The following AP2A2 variants were observed in gnomAD, a reference collection of about 807,000 sequenced individuals.
AP2A2 encodes the protein AP-2 complex subunit alpha-2.
AP2A2 carries 32 observed loss-of-function variants against 104.2 expected under a neutral mutation model. The ratio of observed to expected loss-of-function variants is 0.31; its 90% CI spans 0.23 to 0.41. AP2A2 has a LOEUF of 0.41. Among genes scored for constraint, AP2A2 ranks in the 10% least tolerant of loss-of-function variants. The pLI is 1.00. For synonymous variants in AP2A2, 539 were observed against 533.3 expected, an observed-to-expected ratio of 1.01 and a Z score of -0.15; for missense variants, 912 against 1,261.0, an observed-to-expected ratio of 0.72 and a Z score of 4.19.
At chr11:956,080 C>G (rs930762735) in intron 1 of AP2A2, among the ~76,000 whole-genome samples, 4 of 152,206 alleles carry the variant, frequency 2.6e-5, no homozygotes, top group African/African-American at 9.6e-5. Flanking sequence ...TGGCTCACAC[C>G]TGTAATCCCA....
At chr11:994,877 C>T (rs1479618631) in intron 14 of AP2A2, among the ~76,000 whole-genome samples, 2 of 131,466 alleles carry the variant, frequency 1.5e-5, no homozygotes, top group Non-Finnish European at 3.4e-5. Context: ...CCCTGCTGGC[C>T]TGTCCCGGGG....
At chr11:950,118 G>A (rs1342059772) in intron 1 of AP2A2, among the ~76,000 whole-genome samples, 1 of 152,142 alleles carries the variant, frequency 6.6e-6, no homozygotes, top group Non-Finnish European at 1.5e-5. Context: ...TAATTCAATG[G>A]TGGGGGAAAA....
intron 8 of AP2A2, among the ~76,000 whole-genome samples, 178 bp from the exon 9 acceptor site, chr11:986,607 G>A (rs1225243753): frequency 1.3e-5 from 2 of 152,238 alleles, no homozygotes; most frequent in African/African-American, 4.8e-5. Flanking sequence ...CAGGGGTGGG[G>A]GTCGGGCGTC....
At chr11:1,008,311 A>G in intron 18 of AP2A2, 176 bp downstream of exon 18, 1 of 992,772 alleles carries the variant, frequency 1.0e-6, no homozygotes, top group South Asian at 1.9e-5. Flanking sequence ...AGCGCAGGAA[A>G]CAAGGGGAGG....
intron 17 of AP2A2, chr11:1,006,985 C>T (rs1046839112): frequency 2.6e-5 from 5 of 192,282 alleles, no homozygotes; most frequent in Admixed American, 6.0e-5. Flanking sequence ...GTGTGGGAGG[C>T]GCCAGTGGGG....
At chr11:1,009,580 A>G (rs1856343531) in intron 20 of AP2A2, 103 bp from the exon 21 acceptor site, 1 of 1,068,826 alleles carries the variant, frequency 9.4e-7, no homozygotes, top group South Asian at 1.6e-5. Flanking sequence ...CCCGGGGGAC[A>G]CGCAGCCCAC....
intron 1 of AP2A2, among the ~76,000 whole-genome samples, chr11:953,823 T>C (rs1395090753): frequency 6.6e-6 from 1 of 150,378 alleles, no homozygotes; most frequent in Non-Finnish European, 1.5e-5. Context: ...ACTACTCTTC[T>C]CTCTACCTTC....
At chr11:954,591 G>A (rs904013487) in intron 1 of AP2A2, among the ~76,000 whole-genome samples, 5 of 152,028 alleles carry the variant, frequency 3.3e-5, no homozygotes, top group East Asian at 1.9e-4. Flanking sequence ...TGTGTGTGGC[G>A]TGTACATTTG....
At chr11:997,899 G>A (rs892215942) in intron 14 of AP2A2, among the ~76,000 whole-genome samples, 15 of 151,888 alleles carry the variant, frequency 9.9e-5, no homozygotes, top group African/African-American at 2.9e-4. Flanking sequence ...AGTGAGACTC[G>A]GTCTCAAAAA....
intron 4 of AP2A2, among the ~76,000 whole-genome samples, chr11:973,910 C>G (rs778975317): frequency 1.4e-4 from 21 of 152,342 alleles, no homozygotes; most frequent in Admixed American, 2.0e-4. Context: ...TACCAGGTCC[C>G]TAGTAGGTGC....
chr11:963,195 G>T (rs1476312993), intron 2 of AP2A2, among the ~76,000 whole-genome samples: 5 of 152,208 alleles, frequency 3.3e-5, no homozygotes, highest in Non-Finnish European at 5.9e-5. Flanking sequence ...GGAGGCCGAG[G>T]TGGCTGGATC....
In AP2A2 at chr11:994,503, G is replaced by T. The variant is rs372931617; in HGVS notation, c.1956+258G>T. On this transcript the variant is annotated intron_variant, in intron 14 of 21. Transcript: ENST00000448903. The stretch of plus-strand genomic sequence containing the variant: ...GGCCACTGTCCCTGCTGGACGCCCC[G>T]CTGTCTGTCCCGGGGGCCACTGTCC... 1.3e-3 allele frequency among the ~76,000 whole-genome samples: 181 copies of T among 135,688 alleles called. 3 individuals carry two copies. Among genetic ancestry groups the T allele is most frequent in the African/African-American group, 4.8e-3 (170 of 35,534 alleles). The allele number at this position is 135,688 out of a possible 152,430, so 89.0% of individuals were successfully genotyped here.
chr11:1,005,741 G>A (rs896717968), intron 16 of AP2A2, among the ~76,000 whole-genome samples: 1 of 152,214 alleles, frequency 6.6e-6, no homozygotes, highest in African/African-American at 2.4e-5. Context: ...AGTGATTCCT[G>A]TGGGAAACGC....
At chr11:998,981 C>A (rs965083189) in intron 14 of AP2A2, among the ~76,000 whole-genome samples, 1 of 152,140 alleles carries the variant, frequency 6.6e-6, no homozygotes, top group Admixed American at 6.5e-5. Context: ...TGTGAGCCAC[C>A]GTGCCAGGCT....
intron 16 of AP2A2, among the ~76,000 whole-genome samples, chr11:1,006,240 G>A (rs1054041596): frequency 2.0e-5 from 3 of 152,248 alleles, no homozygotes; most frequent in African/African-American, 7.2e-5. Flanking sequence ...GTGCATATGC[G>A]TGTGATCTCA....
At chr11:989,129 C>A (rs1022625883) in intron 10 of AP2A2, among the ~76,000 whole-genome samples, 1 of 152,314 alleles carries the variant, frequency 6.6e-6, no homozygotes, top group Non-Finnish European at 1.5e-5. Flanking sequence ...CAAGACCAGC[C>A]TGACAAACAT....
chr11:963,699 C>T (rs1453479175), intron 2 of AP2A2, among the ~76,000 whole-genome samples: 5 of 152,316 alleles, frequency 3.3e-5, no homozygotes, highest in South Asian at 4.1e-4. Context: ...CACAGCTCAC[C>T]GCAGCCTCAA....
At chr11:971,915 G>A (rs1201904990) in intron 3 of AP2A2, 147 bp from the exon 4 acceptor site, 7 of 723,366 alleles carry the variant, frequency 9.7e-6, no homozygotes, top group Non-Finnish European at 1.3e-5. Flanking sequence ...ATCCTGAGAG[G>A]CGCCGCTCCC....
At chr11:944,055 C>T (rs183412244) in intron 1 of AP2A2, among the ~76,000 whole-genome samples, 3 of 150,108 alleles carry the variant, frequency 2.0e-5, no homozygotes, top group Non-Finnish European at 3.0e-5. Flanking sequence ...GTGGAGATGG[C>T]GCGAGTAAGG....
Sources: gnomAD v4.1 joint callset for allele counts (sites outside exome capture counted in the v4.1 genomes callset) on GRCh38, gnomAD v4.1.1 for gene constraint, MANE v1.5 for transcripts, NCBI Gene and HGNC (gene_info 2026-07-23, HGNC 2026-07-21) for gene names.